Variants in C1orf21 observed in about 807,000 individuals in gnomAD.
C1orf21 encodes uncharacterized protein C1orf21.
Under a neutral mutation model 18.7 loss-of-function variants are expected in C1orf21, and 3 were observed. The ratio of observed to expected loss-of-function variants is 0.16; its 90% confidence interval spans 0.07 to 0.42. The LOEUF (loss-of-function observed/expected upper bound fraction) is 0.42, where lower values mean the gene tolerates loss of function less well. Among genes scored for constraint, C1orf21 ranks in the 10% least tolerant of loss-of-function variants. C1orf21 has a pLI of 0.99. For synonymous variants in C1orf21, 41 were observed against 46.4 expected, an observed-to-expected ratio of 0.88 and a Z score of 0.47; for missense variants, 104 against 143.6, an observed-to-expected ratio of 0.72 and a Z score of 1.41.
At chr1:184,489,803 T>C (rs1215958530) in intron 2 of C1orf21, among the ~76,000 whole-genome samples, 1 of 152,208 alleles carries the variant, frequency 6.6e-6, no homozygotes, top group East Asian at 1.9e-4. Context: ...TCTGTGTGAG[T>C]GCATAAAAGA....
chr1:184,550,233 C>T (rs931888537), intron 3 of C1orf21, among the ~76,000 whole-genome samples: 8 of 152,152 alleles, frequency 5.3e-5, no homozygotes, highest in Admixed American at 2.0e-4. Flanking sequence ...TATCAAGGAA[C>T]GCATGTAGTG....
chr1:184,420,604 C>CT (rs1348297444), intron 1 of C1orf21, among the ~76,000 whole-genome samples: 1 of 152,068 alleles, frequency 6.6e-6, no homozygotes, highest in Non-Finnish European at 1.5e-5. Context: ...ACTATGAGGC[C>CT]TTTTCATTTT....
chr1:184,590,730 G>T lies in C1orf21; in HGVS notation c.190-9G>T. The T allele has an allele frequency of 6.2e-7, 1 of 1,609,992 alleles. No homozygotes were observed. Among genetic ancestry groups the T allele is most frequent in the Non-Finnish European group, 8.5e-7 (1 of 1,176,344 alleles). On this transcript the variant is annotated splice_polypyrimidine_tract_variant and intron_variant, in intron 3 of 5. Coordinates refer to ENST00000235307, the MANE Select transcript of C1orf21 (RefSeq NM_030806.4). ...CTGTCTTTCACATGTCTGTGTTTAT[G>T]TGTTTCAGGAAAAAAGTGCCAGCTC...
At chr1:184,440,165 A>G (rs1358534406) in intron 1 of C1orf21, among the ~76,000 whole-genome samples, 1 of 152,238 alleles carries the variant, frequency 6.6e-6, no homozygotes, top group East Asian at 1.9e-4. Context: ...AGAAATTAGC[A>G]TGATTGAGAC....
chr1:184,536,645 G>A (rs1252673598), intron 3 of C1orf21, among the ~76,000 whole-genome samples: 1 of 152,066 alleles, frequency 6.6e-6, no homozygotes, highest in Non-Finnish European at 1.5e-5. Flanking sequence ...TAGCATGTGA[G>A]GTCCTTTTCA....
At chr1:184,530,287 A>G (rs1658440880) in intron 3 of C1orf21, among the ~76,000 whole-genome samples, 1 of 152,170 alleles carries the variant, frequency 6.6e-6, no homozygotes, top group Admixed American at 6.6e-5. Context: ...TCTGGGCCTC[A>G]GTTTCCTCAT....
intron 1 of C1orf21, among the ~76,000 whole-genome samples, chr1:184,423,314 A>G (rs1465376166): frequency 6.6e-6 from 1 of 152,236 alleles, no homozygotes; most frequent in African/African-American, 2.4e-5. Flanking sequence ...AATAATGTAC[A>G]AAACAGATAA....
intron 3 of C1orf21, among the ~76,000 whole-genome samples, chr1:184,583,127 C>G (rs575089868): frequency 2.3e-4 from 35 of 152,312 alleles, no homozygotes; most frequent in Admixed American, 1.4e-3. Context: ...GCGTGAGCCA[C>G]TGTGCCTGGC....
intron 3 of C1orf21, among the ~76,000 whole-genome samples, chr1:184,543,348 G>GA (rs887470717): frequency 9.4e-5 from 14 of 148,750 alleles, no homozygotes; most frequent in East Asian, 3.9e-4. Context: ...CTTACAAGAA[G>GA]AAAAAAAAAA....
intron 1 of C1orf21, among the ~76,000 whole-genome samples, chr1:184,437,295 A>C (rs1462296926): frequency 6.6e-6 from 1 of 152,164 alleles, no homozygotes; most frequent in Non-Finnish European, 1.5e-5. Context: ...TCCAAAATGA[A>C]CTGAGAAAAT....
chr1:184,484,884 CTGTGTGTGTGTGTGTG>C (rs3034460), intron 2 of C1orf21, among the ~76,000 whole-genome samples: 1 of 145,982 alleles, frequency 6.9e-6, no homozygotes, highest in African/African-American at 2.5e-5. Flanking sequence ...ATGCTTGTGG[CTGTGTGTGTGTGTGTG>C]TGTGTGTGTG....
intron 2 of C1orf21, among the ~76,000 whole-genome samples, chr1:184,503,103 G>C (rs1049033192): frequency 1.6e-5 from 2 of 123,164 alleles, no homozygotes; most frequent in Non-Finnish European, 3.3e-5. Context: ...AAAAAAAAAA[G>C]ATGTATCAAG....
intron 5 of C1orf21, among the ~76,000 whole-genome samples, chr1:184,615,323 A>G (rs1659804752): frequency 1.3e-5 from 2 of 152,234 alleles, no homozygotes; most frequent in Admixed American, 6.5e-5. Context: ...TTGAGTCTGC[A>G]CCCGAAGGCA....
intron 1 of C1orf21, among the ~76,000 whole-genome samples, chr1:184,391,988 G>C (rs1018630729): frequency 1.3e-5 from 2 of 152,006 alleles, no homozygotes; most frequent in African/African-American, 4.8e-5. Context: ...GATTACAGGC[G>C]TGAGCCACCG....
intron 1 of C1orf21, among the ~76,000 whole-genome samples, chr1:184,431,306 A>G (rs1391534357): frequency 6.6e-6 from 1 of 152,230 alleles, no homozygotes; most frequent in African/African-American, 2.4e-5. Context: ...GGCCTCAGAA[A>G]TAACGCCACA....
rs974954353 is a variant in C1orf21 at position 184,627,898 on chromosome 1, C to T, written c.*8342C>T. 2.0e-5 allele frequency: 3 copies of T among 152,286 alleles called. No homozygotes were observed. The highest frequency in any genetic ancestry group is 7.2e-5 in the African/African-American group (3 of 41,454). The allele number at this position is 152,286 out of a possible 1,614,324, so 9.4% of individuals were successfully genotyped here. On this transcript the variant is annotated 3_prime_UTR_variant, in exon 6 of 6. Coordinates refer to ENST00000235307, the MANE Select transcript of C1orf21 (RefSeq NM_030806.4). ...CCTCTCCCCATTTTCTGCCCTGGCC[C>T]ACTTCCCACTCACCTCCACCTCATT...
At chr1:184,560,649 G>C (rs1003757793) in intron 3 of C1orf21, among the ~76,000 whole-genome samples, 5 of 152,210 alleles carry the variant, frequency 3.3e-5, no homozygotes, top group African/African-American at 9.6e-5. Flanking sequence ...TGGGGGAGAC[G>C]ATCAGCTTCC....
intron 5 of C1orf21, among the ~76,000 whole-genome samples, chr1:184,612,738 A>G (rs1659755885): frequency 1.3e-5 from 2 of 152,140 alleles, no homozygotes; most frequent in Non-Finnish European, 2.9e-5. Context: ...CTGATTCCAC[A>G]TGTGATTTAT....
chr1:184,469,854 G>T (rs1328311031), intron 1 of C1orf21, among the ~76,000 whole-genome samples: 1 of 152,098 alleles, frequency 6.6e-6, no homozygotes, highest in African/African-American at 2.4e-5. Flanking sequence ...ATTAATCATT[G>T]GGATTTTATT....
Sources: allele counts gnomAD v4.1 joint callset (sites outside exome capture counted in the v4.1 genomes callset), GRCh38; gene constraint gnomAD v4.1.1; transcripts MANE v1.5; gene names NCBI Gene and HGNC (gene_info 2026-07-23, HGNC 2026-07-21).